Variants in NRXN1 observed in about 807,000 individuals in gnomAD.
NRXN1 encodes neurexin-1.
Under a neutral mutation model 150.9 loss-of-function variants are expected in NRXN1, and 39 were observed. The observed-to-expected ratio is 0.26, with a 90% CI of 0.20 to 0.34. The LOEUF (loss-of-function observed/expected upper bound fraction) is 0.34. NRXN1 is among the 10% of genes least tolerant of loss of function. NRXN1 has a pLI of 1.00. For missense variants in NRXN1, 1,815 were observed against 1,949.9 expected (o/e 0.93, Z 1.30); for synonymous variants, 924 against 757.0 (o/e 1.22, Z -3.62).
intron 3 of NRXN1, among the ~76,000 whole-genome samples, chr2:50,924,849 TTA>T (rs1217350734): frequency 6.6e-6 from 1 of 151,756 alleles, no homozygotes; most frequent in African/African-American, 2.4e-5. Context: ...CAACTCTGTA[TTA>T]TCATGAAGTG....
chr2:50,858,146 G>A (rs1239663113), intron 5 of NRXN1, among the ~76,000 whole-genome samples: 1 of 149,768 alleles, frequency 6.7e-6, no homozygotes, highest in African/African-American at 2.5e-5. Context: ...ATGCTTCATT[G>A]TTTGTGCATA....
chr2:50,869,472 A>T (rs1209402787), intron 5 of NRXN1, among the ~76,000 whole-genome samples: 1 of 151,644 alleles, frequency 6.6e-6, no homozygotes, highest in East Asian at 2.0e-4. Flanking sequence ...AAAAAAGATG[A>T]CTATTAAAGT....
chr2:51,031,428 C>G (rs1010570977), intron 1 of NRXN1, among the ~76,000 whole-genome samples: 4 of 152,070 alleles, frequency 2.6e-5, no homozygotes, highest in African/African-American at 4.8e-5. Flanking sequence ...TACACCTTTC[C>G]ATGCACCCTT....
intron 17 of NRXN1, among the ~76,000 whole-genome samples, chr2:50,430,802 C>G (rs1400219264): frequency 6.6e-6 from 1 of 152,180 alleles, no homozygotes. Flanking sequence ...TAATAGGAAT[C>G]CTTACTACCA....
At chr2:50,237,117 A>T in intron 17 of NRXN1, 147 bp from the exon 18 acceptor site, 1 of 846,530 alleles carries the variant, frequency 1.2e-6, no homozygotes, top group Admixed American at 2.1e-5. Context: ...AAATGTGCTC[A>T]AGAAAGTGGA....
intron 8 of NRXN1, among the ~76,000 whole-genome samples, chr2:50,567,820 A>G (rs1170643312): frequency 6.6e-6 from 1 of 152,128 alleles, no homozygotes; most frequent in African/African-American, 2.4e-5. Context: ...ATTCAAAAAT[A>G]ATGACGAACA....
chr2:50,710,591 A>AT (rs1021137937), intron 5 of NRXN1, among the ~76,000 whole-genome samples: 1 of 152,182 alleles, frequency 6.6e-6, no homozygotes, highest in Non-Finnish European at 1.5e-5. Flanking sequence ...TCAAATTGAC[A>AT]TTTTTTAGCC....
At chr2:50,965,534 C>G (rs968577922) in intron 2 of NRXN1, among the ~76,000 whole-genome samples, 1 of 151,454 alleles carries the variant, frequency 6.6e-6, no homozygotes. Context: ...AACTTAAATA[C>G]TTAACATGTA....
intron 17 of NRXN1, among the ~76,000 whole-genome samples, chr2:50,401,726 G>A (rs145711338): frequency 2.0e-3 from 307 of 152,142 alleles, no homozygotes; most frequent in African/African-American, 7.1e-3. Context: ...TGCCACAAGA[G>A]CCTATGGTTG....
intron 5 of NRXN1, among the ~76,000 whole-genome samples, chr2:50,897,318 G>A (rs1682139917): frequency 6.6e-6 from 1 of 152,146 alleles, no homozygotes; most frequent in African/African-American, 2.4e-5. Flanking sequence ...TGTTTTCTCT[G>A]AACTTGCTAC....
At chr2:50,474,941 C>G (rs2089870002) in intron 15 of NRXN1, among the ~76,000 whole-genome samples, 1 of 150,580 alleles carries the variant, frequency 6.6e-6, no homozygotes, top group Admixed American at 6.6e-5. Context: ...TGTACCTTCA[C>G]TAACTCAAAG....
rs143718976 is a variant in NRXN1, at chr2:50,957,943, T to C, written c.773-31988A>G. Among the ~76,000 whole-genome samples, 1,467 of 152,228 alleles carry C rather than the reference T, an allele frequency of 9.6e-3. 7 individuals are homozygous for C. Among genetic ancestry groups the C allele is most frequent in the Middle Eastern group, 0.034 (10 of 294 alleles). On this transcript the variant is annotated intron_variant, in intron 2 of 22. Coordinates refer to ENST00000401669, the MANE Select transcript of NRXN1 (RefSeq NM_001330078.2). ...AGAAATGAAAATAAAAAACAAGGGA[T>C]CATTCAAGAGTTAGCTTTTTTTGTA...
At chr2:50,830,854 A>G (rs1216346557) in intron 5 of NRXN1, among the ~76,000 whole-genome samples, 2 of 152,078 alleles carry the variant, frequency 1.3e-5, no homozygotes, top group African/African-American at 2.4e-5. Flanking sequence ...ACTCTTAAGT[A>G]TAGACCCAGC....
chr2:49,978,414 A>C (rs1453067527), intron 21 of NRXN1, among the ~76,000 whole-genome samples: 3 of 152,032 alleles, frequency 2.0e-5, no homozygotes, highest in Non-Finnish European at 4.4e-5. Flanking sequence ...GGCTCTCACG[A>C]AGTGTCTCTA....
intron 11 of NRXN1, among the ~76,000 whole-genome samples, chr2:50,530,902 G>A (rs2093083692): frequency 6.6e-6 from 1 of 152,136 alleles, no homozygotes; most frequent in Non-Finnish European, 1.5e-5. Context: ...CCAAATGTCA[G>A]TGAATATATC....
intron 17 of NRXN1, among the ~76,000 whole-genome samples, chr2:50,253,003 G>C (rs958878043): frequency 1.3e-5 from 2 of 152,152 alleles, no homozygotes; most frequent in Non-Finnish European, 2.9e-5. Flanking sequence ...GCTTTGGGCA[G>C]TATGGCCATT....
chr2:50,442,518 G>A (rs2086048331), intron 17 of NRXN1, among the ~76,000 whole-genome samples: 4 of 152,258 alleles, frequency 2.6e-5, no homozygotes. Flanking sequence ...AGGGAGAAAT[G>A]TGGAGAGTGA....
chr2:50,170,688 C>T (rs142606466), intron 18 of NRXN1, among the ~76,000 whole-genome samples: 126 of 150,986 alleles, frequency 8.3e-4, no homozygotes, highest in African/African-American at 3.0e-3. Flanking sequence ...AACAAAAAAA[C>T]CCTGAAATCT....
At chr2:50,428,134 C>T (rs1046996403) in intron 17 of NRXN1, among the ~76,000 whole-genome samples, 1 of 152,074 alleles carries the variant, frequency 6.6e-6, no homozygotes. Flanking sequence ...AAAGGCAAGG[C>T]GAGGCTCTGT....
Sources: allele counts gnomAD v4.1 joint callset (sites outside exome capture counted in the v4.1 genomes callset), GRCh38; gene constraint gnomAD v4.1.1; transcripts MANE v1.5; gene names NCBI Gene and HGNC (gene_info 2026-07-23, HGNC 2026-07-21).